KIAA0319L: variants seen among roughly 807,000 people sequenced by gnomAD.
KIAA0319L encodes KIAA0319 like, also known as dyslexia-associated protein KIAA0319-like protein.
In KIAA0319L, 55 loss-of-function variants were observed where a neutral mutation model predicts 120.1. The ratio of observed to expected loss-of-function variants is 0.46; its 90% CI spans 0.37 to 0.57. The LOEUF (loss-of-function observed/expected upper bound fraction) is 0.57, where lower values mean the gene tolerates loss of function less well. Ranked by LOEUF, KIAA0319L falls within the 20% of genes least tolerant of loss-of-function variation. The pLI is 0.00. For missense variants in KIAA0319L, 1,049 were observed against 1,255.3 expected, an observed-to-expected ratio of 0.84 and a Z score of 2.48; for synonymous variants, 398 against 471.9, an observed-to-expected ratio of 0.84 and a Z score of 2.03.
At chr1:35,540,077 A>T (rs895807257) in intron 2 of KIAA0319L, among the ~76,000 whole-genome samples, 1 of 152,232 alleles carries the variant, frequency 6.6e-6, no homozygotes, top group African/African-American at 2.4e-5. Flanking sequence ...GCATTCCTAA[A>T]AATCCTGTCA....
intron 16 of KIAA0319L, among the ~76,000 whole-genome samples, chr1:35,446,280 C>A (rs779228600): frequency 1.3e-5 from 2 of 152,124 alleles, no homozygotes; most frequent in African/African-American, 4.8e-5. Context: ...CATTTATTAC[C>A]CATCCCCTAT....
Position 35,453,667 on chromosome 1 carries a change from T to G in KIAA0319L, c.1803A>C (p.Ala601=). The G allele has an allele frequency of 6.2e-7, 1 of 1,613,866 alleles. No individual in the cohort carries two copies. The change falls in exon 12 of 21, where the codon GCA becomes GCC. Residue 601 remains alanine, a synonymous_variant. Coordinates refer to ENST00000325722, the MANE Select transcript of KIAA0319L (RefSeq NM_024874.5). The surrounding 1 kb of genome is among the most constrained non-coding windows in gnomAD (Gnocchi z 4.1). ...TCAGCTCTTTATCTGGGCCTGCATC[T>G]GCCTGAGGAGGCTTATTGTTTTCTG... ...VQPENNKPPQ[A]DAGPDKELTL...
rs112149255 is a variant in KIAA0319L, at chr1:35,553,604, G to C, written c.142+746C>G. On this transcript the variant is annotated intron_variant, in intron 2 of 20. Coordinates refer to ENST00000325722, the MANE Select transcript of KIAA0319L (RefSeq NM_024874.5). Reference sequence around the variant, plus strand: ...ATCCCAGATGGTGGTCTCTACAGCAGAAGGTTTTTGGTCACTGGCCAGAAT... The same window carrying C: ...ATCCCAGATGGTGGTCTCTACAGCACAAGGTTTTTGGTCACTGGCCAGAAT... Among the ~76,000 whole-genome samples, 257 of 152,358 alleles carry C rather than the reference G, an allele frequency of 1.7e-3. 1 individual carries two copies. The highest frequency in any genetic ancestry group is 5.9e-3 in the African/African-American group (244 of 41,566).
At chr1:35,444,405 A>AGCAC in intron 16 of KIAA0319L, 102 bp from the exon 17 acceptor site, 1 of 1,139,854 alleles carries the variant, frequency 8.8e-7, no homozygotes, top group Non-Finnish European at 1.2e-6. Context: ...ACACTGTGCT[A>AGCAC]AGTGTTACAT....
rs574161552 is a variant in KIAA0319L at position 35,478,053 on chromosome 1, G to A, written c.913+913C>T. Among the ~76,000 whole-genome samples the A allele has an allele frequency of 5.3e-5, 8 of 152,250 alleles. No individual in the cohort carries two copies. In the East Asian group the frequency reaches 1.5e-3, roughly 29 times the overall value. ...GAAAATGTGGTGCTTATATACAATG[G>A]AGTACTACTCAGCCATAAAAAAGAA... is the stretch of plus-strand genomic sequence containing the variant. On this transcript the variant is annotated intron_variant, in intron 4 of 20. Coordinates refer to ENST00000325722, the MANE Select transcript of KIAA0319L (RefSeq NM_024874.5).
At chr1:35,451,316 G>C (rs763829754) in intron 13 of KIAA0319L, among the ~76,000 whole-genome samples, 2 of 152,080 alleles carry the variant, frequency 1.3e-5, no homozygotes, top group African/African-American at 2.4e-5. Flanking sequence ...AAAATGCAAA[G>C]AATAGAACCC....
rs762352474 is a variant in KIAA0319L, at chr1:35,453,508, C to T, written c.1913+49G>A. ...TAATAGCAAATAAAACCTTGCTCTT[C>T]CAAGGTCTGGAGGCTTTGCAAAAAT... On this transcript the variant is annotated intron_variant, in intron 12 of 20. Transcript: ENST00000325722. The surrounding 1 kb of genome is among the most constrained non-coding windows in gnomAD (Gnocchi z 4.1). 1 of 1,589,310 alleles carries T rather than the reference C, an allele frequency of 6.3e-7. No homozygotes were observed. Among genetic ancestry groups the T allele is most frequent in the African/African-American group, 1.3e-5 (1 of 74,336 alleles).
intron 2 of KIAA0319L, among the ~76,000 whole-genome samples, chr1:35,546,605 CTGAG>C (rs1490819194): frequency 2.6e-5 from 4 of 152,300 alleles, no homozygotes; most frequent in Non-Finnish European, 5.9e-5. Context: ...TATTTATTGA[CTGAG>C]TAAGTAATTT....
intron 2 of KIAA0319L, among the ~76,000 whole-genome samples, chr1:35,550,251 C>A (rs1358448509): frequency 2.0e-5 from 3 of 152,140 alleles, no homozygotes; most frequent in Non-Finnish European, 4.4e-5. Context: ...AAGTGGTAAG[C>A]GGGAGTGGAG....
In KIAA0319L at chr1:35,470,948, G is replaced by A; in HGVS notation, c.1028C>T (p.Thr343Ile). 4 of 1,609,052 alleles carry A rather than the reference G, an allele frequency of 2.5e-6. No individual in the cohort carries two copies. Among genetic ancestry groups the A allele is most frequent in the Non-Finnish European group, 3.4e-6 (4 of 1,175,388 alleles). ...LQEPPKGETY[T>I]YDWQLITHPR... The stretch of plus-strand genomic sequence containing the variant: ...ATGAGTAATCAGCTGCCAGTCGTAG[G>A]TGTAGGTTTCTCCTATAGAAGGGCA... Residue 343 changes from threonine (T) to isoleucine (I), a missense_variant, in exon 6 of 21, where the codon ACC (threonine) becomes ATC (isoleucine). Physicochemically the swap from Thr to Ile is moderately conservative, Grantham distance 89. Coordinates refer to ENST00000325722, the MANE Select transcript of KIAA0319L (RefSeq NM_024874.5).
At chr1:35,456,336 T>C (rs1642452949) in intron 9 of KIAA0319L, 95 bp from the exon 10 acceptor site, 1 of 798,458 alleles carries the variant, frequency 1.3e-6, no homozygotes, top group Admixed American at 3.0e-5. Context: ...GAAATACCAA[T>C]GTGGCAAGGT....
At position 35,502,365 on chromosome 1, in the gene KIAA0319L, T is replaced by C. The variant is rs538392623; in HGVS notation, c.666+4247A>G. On this transcript the variant is annotated intron_variant, in intron 3 of 20. Transcript: ENST00000325722. ...ATTAAGAGTTAATACACGTAAAGGG[T>C]TCTGAATGGTACCTGGCATATAGTA... Among the ~76,000 whole-genome samples, 123 of 152,046 alleles carry C rather than the reference T, an allele frequency of 8.1e-4. 1 individual carries two copies. Among genetic ancestry groups the C allele is most frequent in the Admixed American group, 4.2e-3 (64 of 15,270 alleles).
intron 5 of KIAA0319L, 108 bp from the exon 6 acceptor site, chr1:35,471,068 GTTTTT>G: frequency 1.4e-6 from 1 of 735,926 alleles, no homozygotes; most frequent in Non-Finnish European, 2.4e-6. Context: ...CAAGGCTTTA[GTTTTT>G]AAGATTTCAC....
intron 3 of KIAA0319L, among the ~76,000 whole-genome samples, chr1:35,490,718 C>T (rs1474354539): frequency 6.6e-6 from 1 of 152,114 alleles, no homozygotes; most frequent in Non-Finnish European, 1.5e-5. Flanking sequence ...AGAAAATACA[C>T]TTGATATGTT....
chr1:35,454,407 T>C lies in KIAA0319L; in HGVS notation c.1735A>G (p.Ile579Val). 2 of 1,614,136 alleles carry C rather than the reference T, an allele frequency of 1.2e-6. No individual in the cohort carries two copies. Among genetic ancestry groups the C allele is most frequent in the Non-Finnish European group, 1.7e-6 (2 of 1,179,962 alleles). The change falls in exon 11 of 21, where the codon ATA (isoleucine) becomes GTA (valine). Residue 579 changes from isoleucine to valine, a missense_variant. Transcript: ENST00000325722. ...YTYQLTVTDT[I>V]GQQATAQVTV... ...ACTTGAGCAGTGGCCTGCTGTCCTA[T>C]TGTGTCAGTCACTGTGAGCTGGTAA...
intron 2 of KIAA0319L, among the ~76,000 whole-genome samples, chr1:35,541,194 G>A (rs558748853): frequency 9.9e-5 from 15 of 151,916 alleles, no homozygotes; most frequent in African/African-American, 2.9e-4. Flanking sequence ...CACCTGCCTC[G>A]GCCTCCCAAA....
chr1:35,479,960 A>AC (rs1644087395), intron 3 of KIAA0319L, among the ~76,000 whole-genome samples: 3 of 146,222 alleles, frequency 2.1e-5, no homozygotes, highest in East Asian at 2.0e-4. Context: ...AAAAAAAAAA[A>AC]AAAAAAAAAA....
intron 2 of KIAA0319L, among the ~76,000 whole-genome samples, chr1:35,531,406 C>T (rs892247958): frequency 6.6e-6 from 1 of 152,022 alleles, no homozygotes; most frequent in African/African-American, 2.4e-5. Context: ...CAGGGGGGCT[C>T]CAGGGATGTA....
chr1:35,534,719 C>T (rs1410523606), intron 2 of KIAA0319L, among the ~76,000 whole-genome samples: 1 of 151,622 alleles, frequency 6.6e-6, no homozygotes, highest in Non-Finnish European at 1.5e-5. Flanking sequence ...ATTAGCCGGG[C>T]GTGGTGGCAG....
Sources: gnomAD v4.1 joint callset for allele counts (sites outside exome capture counted in the v4.1 genomes callset) on GRCh38, gnomAD v4.1.1 for gene constraint, Gnocchi (gnomAD v3.1) non-coding constraint, MANE v1.5 for transcripts, NCBI Gene and HGNC (gene_info 2026-07-23, HGNC 2026-07-21) for gene names.